MPPED2: variants seen among roughly 807,000 people sequenced by gnomAD.
The protein encoded by MPPED2 is metallophosphoesterase domain containing 2, also known as metallophosphoesterase MPPED2.
A neutral mutation model predicts 33.0 loss-of-function variants in MPPED2; 5 were observed. That is an observed-to-expected ratio of 0.15 (90% CI 0.08 to 0.32). MPPED2 has a LOEUF of 0.32. MPPED2 is among the 10% of genes least tolerant of loss of function. The pLI is 1.00. For synonymous variants in MPPED2, 136 were observed against 141.9 expected, an observed-to-expected ratio of 0.96 and a Z score of 0.29; for missense variants, 275 against 372.1, an observed-to-expected ratio of 0.74 and a Z score of 2.15.
In MPPED2 at chr11:30,414,297, C is replaced by T. The variant is rs1948243628; in HGVS notation, c.697G>A (p.Val233Met). The change falls in exon 6 of 7, where the codon GTG (valine) becomes ATG (methionine). Residue 233 changes from valine (V) to methionine (M), a missense_variant. By Grantham distance (21) the Val-to-Met change is conservative. Coordinates refer to ENST00000358117, the MANE Select transcript of MPPED2 (RefSeq NM_001584.3). ...VPKELQRVGC[V>M]ELLNTVQRRV... is the part of the protein sequence containing the mutation. ...CTCTGAACCGTGTTTAACAGCTCCA[C>T]ACAGCCCACTCTTTGAAGCTCCTTT... 4 of 1,614,072 alleles carry T rather than the reference C, an allele frequency of 2.5e-6. No homozygotes were observed. Among genetic ancestry groups the T allele is most frequent in the East Asian group, 2.2e-5 (1 of 44,880 alleles).
At chr11:30,564,563 A>G (rs2134747461) in intron 2 of MPPED2, among the ~76,000 whole-genome samples, 1 of 152,326 alleles carries the variant, frequency 6.6e-6, no homozygotes, top group East Asian at 1.9e-4. Flanking sequence ...CACAGAGAGT[A>G]AGAGGGAGAC....
chr11:30,433,353 T>G (rs1949169216), intron 4 of MPPED2, among the ~76,000 whole-genome samples: 1 of 152,202 alleles, frequency 6.6e-6, no homozygotes, highest in Non-Finnish European at 1.5e-5. Flanking sequence ...TCTGTTTCAC[T>G]TTTTTAAAAT....
Position 30,531,991 on chromosome 11 carries a change from G to A in MPPED2, c.310+4003C>T, listed in dbSNP as rs118189543. 8.2e-3 allele frequency among the ~76,000 whole-genome samples: 1,249 copies of A among 152,352 alleles called. 13 individuals carry two copies. The highest frequency in any genetic ancestry group is 0.015 in the Non-Finnish European group (1,019 of 68,026). On this transcript the variant is annotated intron_variant, in intron 3 of 6. Transcript: ENST00000358117. ...ACTTGGAAATTGGAGTCTGATGGAC[G>A]TAAGTCCAAATCCTGAGGTCACTGC...
chr11:30,388,839 C>A, exon 7 of MPPED2: 4 of 1,506,642 alleles, frequency 2.7e-6, no homozygotes, highest in Non-Finnish European at 3.6e-6. Context: ...TCACACAATG[C>A]TAATTCATCA....
intron 4 of MPPED2, among the ~76,000 whole-genome samples, chr11:30,439,555 A>T (rs969481789): frequency 1.3e-5 from 2 of 152,146 alleles, no homozygotes; most frequent in African/African-American, 4.8e-5. Flanking sequence ...GAAAAAGGCA[A>T]TTTCTTTGAA....
intron 4 of MPPED2, among the ~76,000 whole-genome samples, chr11:30,447,904 T>A (rs987624664): frequency 2.6e-5 from 4 of 152,086 alleles, no homozygotes; most frequent in Non-Finnish European, 5.9e-5. Flanking sequence ...AGGGAGCAGA[T>A]CCCCTTAAGA....
exon 7 of MPPED2, chr11:30,387,575 A>G (rs1358635222): frequency 6.6e-6 from 1 of 152,196 alleles, no homozygotes; most frequent in East Asian, 1.9e-4. Flanking sequence ...GAACGGAGCA[A>G]TGGGATCAGG....
intron 3 of MPPED2, among the ~76,000 whole-genome samples, chr11:30,521,554 T>C (rs1200921373): frequency 6.6e-6 from 1 of 152,230 alleles, no homozygotes; most frequent in Non-Finnish European, 1.5e-5. Context: ...TCTAGCAGCA[T>C]TCCATTAAAC....
At chr11:30,506,396 A>G (rs1397858466) in intron 3 of MPPED2, among the ~76,000 whole-genome samples, 1 of 152,212 alleles carries the variant, frequency 6.6e-6, no homozygotes, top group African/African-American at 2.4e-5. Flanking sequence ...CTTAGATCAG[A>G]ATAAGGAGCC....
chr11:30,465,116 G>A (rs1950654483), intron 4 of MPPED2, among the ~76,000 whole-genome samples: 1 of 152,174 alleles, frequency 6.6e-6, no homozygotes, highest in Non-Finnish European at 1.5e-5. Flanking sequence ...CGGAAGTGAT[G>A]CTAAGCAAAT....
At chr11:30,412,253 A>G (rs1440099824) in intron 6 of MPPED2, among the ~76,000 whole-genome samples, 1 of 149,580 alleles carries the variant, frequency 6.7e-6, no homozygotes, top group Non-Finnish European at 1.5e-5. Context: ...TACTAGATCA[A>G]GCAAAAACAC....
At position 30,432,111 on chromosome 11, in the gene MPPED2, A is replaced by G. The variant is rs571060859; in HGVS notation, c.537-14478T>C. Among the ~76,000 whole-genome samples the G allele has an allele frequency of 3.1e-4, 47 of 152,040 alleles. 1 individual carries two copies. The highest frequency in any genetic ancestry group is 2.9e-4 in the Non-Finnish European group (20 of 67,956). The stretch of plus-strand genomic sequence containing the variant: ...TTGAACCCAGGAGGCAGAGGTTTCA[A>G]GGAGCCGAGATCGCGCCACTGCCCT... On this transcript the variant is annotated intron_variant, in intron 4 of 6. Transcript: ENST00000358117.
chr11:30,500,612 A>G (rs1162978619), intron 3 of MPPED2, among the ~76,000 whole-genome samples: 1 of 152,188 alleles, frequency 6.6e-6, no homozygotes, highest in African/African-American at 2.4e-5. Flanking sequence ...GAGTTTTGGC[A>G]AAGATAAAAT....
At chr11:30,505,805 T>A (rs959919393) in intron 3 of MPPED2, among the ~76,000 whole-genome samples, 1 of 152,118 alleles carries the variant, frequency 6.6e-6, no homozygotes, top group Non-Finnish European at 1.5e-5. Context: ...AAGGAAAGAG[T>A]GTGGACTTTG....
intron 4 of MPPED2, among the ~76,000 whole-genome samples, chr11:30,434,810 T>G (rs1049890974): frequency 6.6e-6 from 1 of 152,200 alleles, no homozygotes; most frequent in Admixed American, 6.5e-5. Context: ...GTACTTTCAA[T>G]GCATTAGCTT....
chr11:30,409,507 G>GGTTACATGTGA (rs1179946247), downstream of MPPED2, among the ~76,000 whole-genome samples: 2 of 152,184 alleles, frequency 1.3e-5, no homozygotes, highest in Non-Finnish European at 2.9e-5. Context: ...AGACCAAGAT[G>GGTTACATGTGA]GTTACATGTG....
At chr11:30,538,004 A>G (rs568643287) in intron 2 of MPPED2, among the ~76,000 whole-genome samples, 7 of 152,258 alleles carry the variant, frequency 4.6e-5, no homozygotes, top group Non-Finnish European at 1.0e-4. Flanking sequence ...TTCCCAGAGA[A>G]TGAATGACTG....
At chr11:30,481,389 C>T (rs999125648) in intron 4 of MPPED2, among the ~76,000 whole-genome samples, 5 of 152,098 alleles carry the variant, frequency 3.3e-5, no homozygotes, top group Non-Finnish European at 5.9e-5. Context: ...GTGCAATCAG[C>T]GTATAAAAAC....
intron 4 of MPPED2, among the ~76,000 whole-genome samples, chr11:30,449,598 A>C (rs1949962384): frequency 6.6e-6 from 1 of 152,216 alleles, no homozygotes; most frequent in Non-Finnish European, 1.5e-5. Flanking sequence ...AGCTATGATC[A>C]TGCCACTGCA....
Sources: gnomAD v4.1 joint callset for allele counts (sites outside exome capture counted in the v4.1 genomes callset) on GRCh38, gnomAD v4.1.1 for gene constraint, MANE v1.5 for transcripts, NCBI Gene and HGNC (gene_info 2026-07-23, HGNC 2026-07-21) for gene names.